Variants in TTC29 observed in about 807,000 individuals in gnomAD.
TTC29 encodes tetratricopeptide repeat protein 29.
TTC29 carries 49 observed loss-of-function variants against 58.1 expected under a neutral mutation model. That is an observed-to-expected ratio of 0.84 (90% CI 0.67 to 1.07). The LOEUF is 1.07. Among genes scored for constraint, TTC29 ranks in the 50% least tolerant of loss-of-function variants. TTC29 has a pLI of 0.00. For synonymous variants in TTC29, 209 were observed against 196.8 expected (o/e 1.06, Z -0.52); for missense variants, 582 against 555.6 (o/e 1.05, Z -0.48).
Position 146,809,565 on chromosome 4 carries a change from G to GA in TTC29, c.1102-5881dup, listed in dbSNP as rs917544752. 3.4e-5 allele frequency among the ~76,000 whole-genome samples: 5 copies of GA among 146,784 alleles called. 1 individual carries two copies. Among genetic ancestry groups the GA allele is most frequent in the Admixed American group, 1.4e-4 (2 of 14,214 alleles). ...ACAAAGAACTTCAACAAATTTACAA[G>GA]AAAAAAAACAAACAACTCCATCAAA... On this transcript the variant is annotated intron_variant, in intron 10 of 12. Transcript: ENST00000325106.
intron 6 of TTC29, among the ~76,000 whole-genome samples, chr4:146,897,399 C>A (rs752402163): frequency 2.0e-5 from 3 of 152,122 alleles, no homozygotes; most frequent in Non-Finnish European, 4.4e-5. Flanking sequence ...CAGGGGGCCT[C>A]TCTCTCCTGA....
chr4:146,929,283 A>T (rs941443004), intron 4 of TTC29, among the ~76,000 whole-genome samples: 3 of 152,220 alleles, frequency 2.0e-5, no homozygotes, highest in Admixed American at 6.5e-5. Context: ...TTTGTTATGA[A>T]TTCTGTTATT....
intron 11 of TTC29, among the ~76,000 whole-genome samples, chr4:146,796,738 A>AT (rs1183320103): frequency 3.3e-5 from 5 of 152,080 alleles, no homozygotes; most frequent in Non-Finnish European, 7.4e-5. Context: ...TTATTTTTAG[A>AT]TTTTTAGAAG....
chr4:146,850,646 AC>A (rs916160245), intron 8 of TTC29, among the ~76,000 whole-genome samples: 3 of 152,120 alleles, frequency 2.0e-5, no homozygotes, highest in South Asian at 2.1e-4. Context: ...TATTTTCAAA[AC>A]CCATTTTGAA....
At chr4:146,910,081 A>G (rs1733795310) in intron 4 of TTC29, among the ~76,000 whole-genome samples, 1 of 152,116 alleles carries the variant, frequency 6.6e-6, no homozygotes, top group Non-Finnish European at 1.5e-5. Context: ...ACCAAAAGAT[A>G]TAGCTTTATA....
At chr4:146,750,217 C>T (rs998376160) in intron 11 of TTC29, among the ~76,000 whole-genome samples, 17 of 152,224 alleles carry the variant, frequency 1.1e-4, no homozygotes, top group African/African-American at 3.9e-4. Context: ...CGGTGTTAGC[C>T]AAGATGGTCT....
intron 11 of TTC29, among the ~76,000 whole-genome samples, chr4:146,783,667 A>G (rs992691042): frequency 6.6e-6 from 1 of 152,096 alleles, no homozygotes; most frequent in African/African-American, 2.4e-5. Flanking sequence ...GTATTTCTCA[A>G]CTGAGAAAGG....
rs1731234435 is a variant in TTC29, at chr4:146,876,041, TTAAGAG to T, written c.587-1119_587-1114del. Among the ~76,000 whole-genome samples the T allele has an allele frequency of 5.3e-5, 8 of 152,274 alleles. No homozygotes were observed. In the South Asian group the frequency reaches 1.7e-3, roughly 32 times the overall value. ...TATCTAGGCACTCCAACCATAGTGG[TTAAGAG>T]TGAGTGTGGGCTCCGAGCAGACAGC... On this transcript the variant is annotated intron_variant, in intron 6 of 12. Transcript: ENST00000325106.
At chr4:146,741,003 C>T (rs886428582) in intron 11 of TTC29, among the ~76,000 whole-genome samples, 6 of 152,250 alleles carry the variant, frequency 3.9e-5, no homozygotes, top group Admixed American at 2.0e-4. Flanking sequence ...ATAACAGGCA[C>T]GAGCCACCGA....
chr4:146,863,331 TA>T (rs1730364332), intron 8 of TTC29, among the ~76,000 whole-genome samples: 1 of 152,184 alleles, frequency 6.6e-6, no homozygotes, highest in South Asian at 2.1e-4. Flanking sequence ...TACTCCTGCT[TA>T]AGCTCTTTTG....
At chr4:146,912,254 G>A (rs1733945692) in intron 4 of TTC29, among the ~76,000 whole-genome samples, 1 of 152,174 alleles carries the variant, frequency 6.6e-6, no homozygotes, top group African/African-American at 2.4e-5. Context: ...GAAAATAAAT[G>A]TTGTTACCCC....
In TTC29 at chr4:146,866,250, A is replaced by G. The variant is rs1317020386; in HGVS notation, c.885+1248T>C. Among the ~76,000 whole-genome samples, 11 of 152,068 alleles carry G rather than the reference A, an allele frequency of 7.2e-5. 1 individual carries two copies. The highest frequency in any genetic ancestry group is 7.2e-4 in the Admixed American group (11 of 15,248). On this transcript the variant is annotated intron_variant, in intron 8 of 12. Coordinates refer to ENST00000325106, the MANE Select transcript of TTC29 (RefSeq NM_031956.4). Reference sequence around the variant, plus strand: ...ATATCTATGAGCTAGTTTTCACCTAATTTTCCAATTTGACCTACAACTGAA... The same window carrying G: ...ATATCTATGAGCTAGTTTTCACCTAGTTTTCCAATTTGACCTACAACTGAA...
chr4:146,836,522 C>T (rs939698589), intron 8 of TTC29, among the ~76,000 whole-genome samples: 2 of 151,964 alleles, frequency 1.3e-5, no homozygotes, highest in Non-Finnish European at 2.9e-5. Flanking sequence ...AAACCCAGTG[C>T]ATTGGTGAAT....
intron 8 of TTC29, among the ~76,000 whole-genome samples, chr4:146,835,585 C>T (rs946216717): frequency 8.6e-5 from 13 of 151,774 alleles, no homozygotes; most frequent in Non-Finnish European, 1.8e-4. Flanking sequence ...TATGTTAGAC[C>T]GTAGGATCTT....
At chr4:146,824,980 A>T (rs978252717) in intron 9 of TTC29, among the ~76,000 whole-genome samples, 1 of 151,312 alleles carries the variant, frequency 6.6e-6, no homozygotes, top group Non-Finnish European at 1.5e-5. Context: ...TGTCTATTTG[A>T]TTCTTCTCTC....
chr4:146,894,721 C>G (rs950137188), intron 6 of TTC29, among the ~76,000 whole-genome samples: 2 of 151,854 alleles, frequency 1.3e-5, no homozygotes, highest in Non-Finnish European at 2.9e-5. Context: ...ATAAATTACC[C>G]AGTCTCAGGT....
At chr4:146,796,129 A>G (rs888804236) in intron 11 of TTC29, among the ~76,000 whole-genome samples, 2 of 151,840 alleles carry the variant, frequency 1.3e-5, no homozygotes, top group Non-Finnish European at 2.9e-5. Flanking sequence ...AGTGATGATG[A>G]GTTCAGTGTA....
intron 8 of TTC29, among the ~76,000 whole-genome samples, chr4:146,839,778 C>A (rs1728738322): frequency 6.6e-6 from 1 of 151,300 alleles, no homozygotes. Flanking sequence ...GGGAAAAATT[C>A]CGCAATACCT....
At chr4:146,819,632 T>A (rs1381336232) in intron 10 of TTC29, among the ~76,000 whole-genome samples, 1 of 152,244 alleles carries the variant, frequency 6.6e-6, no homozygotes, top group Non-Finnish European at 1.5e-5. Flanking sequence ...CTCTTTCATG[T>A]AATGAATCTG....
Sources: allele counts gnomAD v4.1 joint callset (sites outside exome capture counted in the v4.1 genomes callset), GRCh38; gene constraint gnomAD v4.1.1; transcripts MANE v1.5; gene names NCBI Gene and HGNC (gene_info 2026-07-23, HGNC 2026-07-21).